Variants in SSH1 observed in about 807,000 individuals in gnomAD.
SSH1 encodes protein phosphatase Slingshot homolog 1.
A neutral mutation model predicts 79.7 loss-of-function variants in SSH1; 43 were observed. The observed-to-expected ratio is 0.54, with a 90% CI of 0.42 to 0.70. SSH1 has a LOEUF of 0.70. Ranked by LOEUF, SSH1 falls within the 30% of genes least tolerant of loss-of-function variation. The pLI is 0.00. For missense variants in SSH1, 1,206 were observed against 1,358.8 expected (o/e 0.89, Z 1.77); for synonymous variants, 599 against 538.3 (o/e 1.11, Z -1.56).
chr12:108,853,342 TA>T, intron 1 of SSH1: 1 of 985,314 alleles, frequency 1.0e-6, no homozygotes, highest in South Asian at 4.7e-5. Flanking sequence ...GACTTATTTT[TA>T]TTTTTTTTCT....
At chr12:108,817,194 C>G (rs781399397) in intron 4 of SSH1, 35 bp from the exon 5 acceptor site, 3 of 1,611,402 alleles carry the variant, frequency 1.9e-6, no homozygotes, top group Non-Finnish European at 2.5e-6. Flanking sequence ...ACTAACCTGC[C>G]TTTGGAGGTG....
At chr12:108,838,530 G>T (rs377022374) in intron 2 of SSH1, among the ~76,000 whole-genome samples, 3 of 152,220 alleles carry the variant, frequency 2.0e-5, no homozygotes, top group Non-Finnish European at 4.4e-5. Flanking sequence ...TGAAGGGCAC[G>T]CGAAGCCAGG....
At position 108,792,541 on chromosome 12, in the gene SSH1, T is replaced by TG; in HGVS notation, c.1637dup (p.Pro547ThrfsTer19). 1 of 1,614,044 alleles carries TG rather than the reference T, an allele frequency of 6.2e-7. No homozygotes were observed. Among genetic ancestry groups the TG allele is most frequent in the East Asian group, 2.2e-5 (1 of 44,876 alleles). On this transcript the variant is annotated frameshift_variant, in exon 14 of 15. Transcript: ENST00000326495. LOFTEE classifies it high-confidence loss of function. ...TGGCCGGCCTGTGCACCTCTGCAGG[T>TG]GGAGCAGCTTCCTCCAACAGAGCCT...
At chr12:108,816,631 C>T (rs952946641) in intron 5 of SSH1, among the ~76,000 whole-genome samples, 1 of 152,178 alleles carries the variant, frequency 6.6e-6, no homozygotes, top group African/African-American at 2.4e-5. Context: ...CCACCAATCT[C>T]CATACTTCTC....
At chr12:108,824,527 G>T (rs1358351988) in intron 2 of SSH1, among the ~76,000 whole-genome samples, 1 of 152,058 alleles carries the variant, frequency 6.6e-6, no homozygotes, top group East Asian at 1.9e-4. Context: ...ACTTAGTCAA[G>T]GTTGTCCTGT....
At chr12:108,841,717 G>A (rs989114836) in intron 2 of SSH1, among the ~76,000 whole-genome samples, 6 of 152,150 alleles carry the variant, frequency 3.9e-5, no homozygotes, top group African/African-American at 1.2e-4. Context: ...GCTGAGGCAG[G>A]AGAATCACTG....
Position 108,788,124 on chromosome 12 carries a change from T to C in SSH1, c.3014A>G (p.Gln1005Arg), listed in dbSNP as rs1360655729. 5.0e-6 allele frequency: 8 copies of C among 1,613,930 alleles called. No individual in the cohort carries two copies. Among genetic ancestry groups the C allele is most frequent in the Admixed American group, 3.3e-5 (2 of 59,980 alleles). ...GGAAGATTCACTCAAAGTGGTGTCC[T>C]GGGAGTCAGCGACGGTGGACGGGTC... is the stretch of plus-strand genomic sequence containing the variant. ...EADPSTVADSQDTTLSESSFL... is the reference protein window; with the variant it reads ...EADPSTVADSRDTTLSESSFL... The change falls in exon 15 of 15, where the codon CAG (glutamine) becomes CGG (arginine). Residue 1005 changes from glutamine (Q) to arginine (R), a missense_variant. Gln to Arg is a conservative substitution (Grantham distance 43, BLOSUM62 1). Coordinates refer to ENST00000326495, the MANE Select transcript of SSH1 (RefSeq NM_018984.4).
rs199752861 is a variant in SSH1, at chr12:108,807,697, C to T, written c.667G>A (p.Glu223Lys). Residue 223 changes from glutamate (E) to lysine (K), a missense_variant, in exon 8 of 15, where the codon GAG becomes AAG. Physicochemically the swap from Glu to Lys is moderately conservative, Grantham distance 56 (BLOSUM62 1). This residue lies in a region of SSH1 where 116 missense variants were observed against 109.0 expected (regional missense o/e 1.06). Transcript: ENST00000326495. This position sits in a 1 kb window ranked among gnomAD's most constrained non-coding sequence, Gnocchi z 5.2. ...TCCAGGTCCTGCATGGCGTTCCACT[C>T]GTTGATGCAGCTCTGCTCGGAGCTG... ...CISSEQSCINEWNAMQDLEST... is the reference protein window; with the variant it reads ...CISSEQSCINKWNAMQDLEST... The T allele has an allele frequency of 1.9e-6, 3 of 1,613,156 alleles. No individual in the cohort carries two copies. The highest frequency in any genetic ancestry group is 1.3e-5 in the African/African-American group (1 of 74,758).
At position 108,807,552 on chromosome 12, in the gene SSH1, C is replaced by T. The variant is rs2037345359; in HGVS notation, c.731+81G>A. 9.9e-6 allele frequency: 14 copies of T among 1,416,204 alleles called. No homozygotes were observed. The highest frequency in any genetic ancestry group is 2.8e-5 in the African/African-American group (2 of 70,964). 87.7% of individuals were successfully genotyped at this position (1,416,204 alleles called of 1,614,324 possible). The stretch of plus-strand genomic sequence containing the variant: ...GGGGAGGTGTGGCCCAATGCAGGTT[C>T]AGGGTCGGGCACAGGGCAGGTGGGG... On this transcript the variant is annotated intron_variant, in intron 8 of 14. Coordinates refer to ENST00000326495, the MANE Select transcript of SSH1 (RefSeq NM_018984.4). This position sits in a 1 kb window ranked among gnomAD's most constrained non-coding sequence, Gnocchi z 5.2.
chr12:108,853,981 G>GAAGT (rs1255293207), intron 1 of SSH1, among the ~76,000 whole-genome samples: 1 of 151,250 alleles, frequency 6.6e-6, no homozygotes, highest in Non-Finnish European at 1.5e-5. Context: ...ATATTAAGAT[G>GAAGT]AAGTACATAC....
intron 2 of SSH1, chr12:108,826,408 A>T (rs2038310986): frequency 3.3e-6 from 1 of 299,442 alleles, no homozygotes; most frequent in South Asian, 2.8e-5. Flanking sequence ...CATTTACTGT[A>T]AAAAGCAAGA....
chr12:108,837,520 T>C (rs548308732), intron 2 of SSH1, among the ~76,000 whole-genome samples: 1 of 152,334 alleles, frequency 6.6e-6, no homozygotes, highest in South Asian at 2.1e-4. Context: ...GAGTAGCAGG[T>C]TGACAAATTA....
In SSH1 at chr12:108,788,351, G is replaced by A. The variant is rs776800259; in HGVS notation, c.2787C>T (p.Ser929=). ...TGCTGGAGCTCCGGGTCAGGTTGGA[G>A]CTCATGGAAGAGGAGGTGGGGGTGT... ...ICYTPTSSSM[S]SNLTRSSSSD... Residue 929 remains serine, a synonymous_variant, in exon 15 of 15, where the codon AGC becomes AGT. Coordinates refer to ENST00000326495, the MANE Select transcript of SSH1 (RefSeq NM_018984.4). 4 of 1,613,244 alleles carry A rather than the reference G, an allele frequency of 2.5e-6. No individual in the cohort carries two copies. Among genetic ancestry groups the A allele is most frequent in the Non-Finnish European group, 3.4e-6 (4 of 1,179,962 alleles).
At chr12:108,835,837 T>C (rs547874536) in intron 2 of SSH1, among the ~76,000 whole-genome samples, 5 of 145,824 alleles carry the variant, frequency 3.4e-5, no homozygotes, top group African/African-American at 1.3e-4. Flanking sequence ...TTAATATTTA[T>C]AATTAATATA....
At position 108,787,861 on chromosome 12, in the gene SSH1, G is replaced by A; in HGVS notation, c.*127C>T. ...CCTCCTCTCTATGGCAAGAGTAGGG[G>A]AAAAGTTAGGATGACTTCACTCGTT... On this transcript the variant is annotated 3_prime_UTR_variant, in exon 15 of 15. Coordinates refer to ENST00000326495, the MANE Select transcript of SSH1 (RefSeq NM_018984.4). 3.2e-6 allele frequency: 4 copies of A among 1,236,428 alleles called. No homozygotes were observed. The South Asian group carries it at 3.9e-5, about 12-fold the overall frequency. 76.6% of individuals were successfully genotyped at this position (1,236,428 alleles called of 1,614,324 possible). A position where few individuals can be genotyped will look rare whatever the true frequency, so the allele number is the denominator to read the frequency against.
rs551226018 is a variant in SSH1, at chr12:108,825,440, CTGTTA to C, written c.111-2084_111-2080del. Among the ~76,000 whole-genome samples, 11 of 152,302 alleles carry C rather than the reference CTGTTA, an allele frequency of 7.2e-5. No homozygotes were observed. In the South Asian group the frequency reaches 2.1e-3, roughly 29 times the overall value. On this transcript the variant is annotated intron_variant, in intron 2 of 14. Transcript: ENST00000326495. ...TCAGCAGCTCCTGAGATCAGGAAGA[CTGTTA>C]TGTTCTATGATATAAAGTCCACAAT...
chr12:108,836,401 T>A (rs1202302440), intron 2 of SSH1, among the ~76,000 whole-genome samples: 1 of 152,148 alleles, frequency 6.6e-6, no homozygotes, highest in East Asian at 1.9e-4. Flanking sequence ...CCAGAGCCCC[T>A]TGGATAAAGG....
rs1013466335 is a variant in SSH1 at position 108,780,117 on chromosome 12, T to G, written c.*7871A>C. On this transcript the variant is annotated 3_prime_UTR_variant, in exon 15 of 15. Transcript: ENST00000326495. Reference sequence around the variant, plus strand: ...GGCAAGGATGCGTGGGTGGGTGGTGTTTCCTGGGTGGAGCTCTCCTTTAGA... The same window carrying G: ...GGCAAGGATGCGTGGGTGGGTGGTGGTTCCTGGGTGGAGCTCTCCTTTAGA... 2.6e-5 allele frequency: 4 copies of G among 152,226 alleles called. No homozygotes were observed. Among genetic ancestry groups the G allele is most frequent in the Non-Finnish European group, 5.9e-5 (4 of 68,074 alleles). 9.4% of individuals were successfully genotyped at this position (152,226 alleles called of 1,614,324 possible). A position where few individuals can be genotyped will look rare whatever the true frequency, so the allele number is the denominator to read the frequency against.
intron 13 of SSH1, among the ~76,000 whole-genome samples, chr12:108,797,938 G>A (rs906288785): frequency 5.9e-5 from 9 of 152,252 alleles, no homozygotes; most frequent in African/African-American, 1.9e-4. Flanking sequence ...ATGAAGCAAA[G>A]GGCCCACTGA....
Sources: allele counts gnomAD v4.1 joint callset (sites outside exome capture counted in the v4.1 genomes callset), GRCh38; gene constraint gnomAD v4.1.1; regional missense constraint gnomAD v4.1.1; non-coding constraint Gnocchi (gnomAD v3.1); transcripts MANE v1.5; gene names NCBI Gene and HGNC (gene_info 2026-07-23, HGNC 2026-07-21).